Variants in TRIM71 observed in about 807,000 individuals in gnomAD.
TRIM71 encodes the protein E3 ubiquitin-protein ligase TRIM71.
In TRIM71, 9 loss-of-function variants were observed where a neutral mutation model predicts 61.2. The observed-to-expected ratio is 0.15, with a 90% CI of 0.09 to 0.26. The LOEUF (loss-of-function observed/expected upper bound fraction) is 0.26, where lower values mean the gene tolerates loss of function less well. TRIM71 is among the 10% of genes least tolerant of loss of function. The pLI, the probability that TRIM71 is intolerant of heterozygous loss-of-function variation, is 1.00. For missense variants in TRIM71, 998 were observed against 1,238.7 expected (o/e 0.81, Z 2.92); for synonymous variants, 645 against 553.2 (o/e 1.17, Z -2.33).
At position 32,880,917 on chromosome 3, in the gene TRIM71, G is replaced by A. The variant is rs9853425; in HGVS notation, c.1021-5017G>A. 8.5e-5 allele frequency among the ~76,000 whole-genome samples: 13 copies of A among 152,240 alleles called. 1 individual carries two copies. The South Asian group carries it at 2.7e-3, about 32-fold the overall frequency. On this transcript the variant is annotated intron_variant, in intron 2 of 3. Coordinates refer to ENST00000383763, the MANE Select transcript of TRIM71 (RefSeq NM_001039111.3). ...TTTAAGATGCCATTAATTGTAAGGT[G>A]TACATTTATTTTACATACAACTAAC...
intron 2 of TRIM71, among the ~76,000 whole-genome samples, chr3:32,874,324 TTACTACTACTACTACTACTACTAC>T (rs34214588): frequency 8.2e-6 from 1 of 121,488 alleles, no homozygotes; most frequent in African/African-American, 3.9e-5. Context: ...TTAATGCTTA[TTACTACTACTACTACTACTACTAC>T]TACTACTACT....
intron 1 of TRIM71, among the ~76,000 whole-genome samples, chr3:32,820,767 G>A (rs1265997281): frequency 6.6e-6 from 1 of 152,182 alleles, no homozygotes; most frequent in African/African-American, 2.4e-5. Flanking sequence ...ACTGCATTGG[G>A]GAGTGTGAAT....
chr3:32,823,148 A>G (rs1278151043), intron 1 of TRIM71, among the ~76,000 whole-genome samples: 1 of 152,244 alleles, frequency 6.6e-6, no homozygotes, highest in Non-Finnish European at 1.5e-5. Context: ...TTCAGCAGGT[A>G]GACATTAGGA....
chr3:32,849,723 C>T (rs1696516983), intron 1 of TRIM71, among the ~76,000 whole-genome samples: 1 of 152,220 alleles, frequency 6.6e-6, no homozygotes, highest in South Asian at 2.1e-4. Flanking sequence ...AAGCCTCCTT[C>T]CCCTTCCACT....
chr3:32,888,795 C>T (rs1356521540), intron 3 of TRIM71, among the ~76,000 whole-genome samples: 1 of 152,174 alleles, frequency 6.6e-6, no homozygotes, highest in Non-Finnish European at 1.5e-5. Context: ...CCATCTTGGC[C>T]TCCCAAAGCA....
chr3:32,828,779 G>A (rs1013407702), intron 1 of TRIM71, among the ~76,000 whole-genome samples: 1 of 151,974 alleles, frequency 6.6e-6, no homozygotes, highest in Non-Finnish European at 1.5e-5. Flanking sequence ...GATTACAGGC[G>A]TGAGCCACCT....
chr3:32,895,548 A>G lies in TRIM71; in HGVS notation c.*3737A>G, dbSNP rs1272905098. 6.6e-6 allele frequency: 1 copy of G among 152,234 alleles called. No individual in the cohort carries two copies. The highest frequency in any genetic ancestry group is 1.5e-5 in the Non-Finnish European group (1 of 68,048). 9.4% of individuals were successfully genotyped at this position (152,234 alleles called of 1,614,324 possible). A position where few individuals can be genotyped will look rare whatever the true frequency, so the allele number is the denominator to read the frequency against. On this transcript the variant is annotated 3_prime_UTR_variant, in exon 4 of 4. Coordinates refer to ENST00000383763, the MANE Select transcript of TRIM71 (RefSeq NM_001039111.3). The stretch of plus-strand genomic sequence containing the variant: ...TCTGTTCTGGTAGGTGGTGAAAGAT[A>G]TGCCAAAGTTTTAGGCTTGTTTTTC...
At chr3:32,841,603 T>A (rs796246037) in intron 1 of TRIM71, among the ~76,000 whole-genome samples, 361 of 152,060 alleles carry the variant, frequency 2.4e-3, no homozygotes, top group African/African-American at 8.4e-3. Context: ...GGGCCACGAG[T>A]GAGGCCCACC....
At position 32,891,184 on chromosome 3, in the gene TRIM71, C is replaced by T. The variant is rs770430798; in HGVS notation, c.1980C>T (p.Ala660=). Reference sequence around the variant, plus strand: ...AGTTCGACCGACCAGCCGGCGTGGCCTGTGACGCCTCACGCAGGATCGTGG... The same window carrying T: ...AGTTCGACCGACCAGCCGGCGTGGCTTGTGACGCCTCACGCAGGATCGTGG... ...PGQFDRPAGV[A]CDASRRIVVA... Residue 660 remains alanine, a synonymous_variant, in exon 4 of 4, where the codon GCC becomes GCT. Coordinates refer to ENST00000383763, the MANE Select transcript of TRIM71 (RefSeq NM_001039111.3). This position sits in a 1 kb window ranked among gnomAD's most constrained non-coding sequence, Gnocchi z 8.2. 3 of 1,613,604 alleles carry T rather than the reference C, an allele frequency of 1.9e-6. No individual in the cohort carries two copies. The African/African-American group carries it at 4.0e-5, about 22-fold the overall frequency.
At chr3:32,888,843 A>C (rs1431985430) in intron 3 of TRIM71, among the ~76,000 whole-genome samples, 1 of 152,194 alleles carries the variant, frequency 6.6e-6, no homozygotes, top group East Asian at 1.9e-4. Context: ...ATTCTTTAAG[A>C]ATATGAATCT....
chr3:32,848,783 G>A (rs1004628574), intron 1 of TRIM71, among the ~76,000 whole-genome samples: 1 of 152,066 alleles, frequency 6.6e-6, no homozygotes. Flanking sequence ...TGGGGATGGC[G>A]GGAATCACCT....
At chr3:32,837,349 G>C (rs1455908383) in intron 1 of TRIM71, among the ~76,000 whole-genome samples, 5 of 152,142 alleles carry the variant, frequency 3.3e-5, no homozygotes, top group African/African-American at 9.7e-5. Context: ...TTCCTTTACT[G>C]TGTGGCCTTT....
Position 32,818,626 on chromosome 3 carries a change from C to T in TRIM71, c.546C>T (p.Gly182=). ...QPPAPSRSAP[G]GPAASPSALL... Reference sequence around the variant, plus strand: ...CCGCGCCTTCCCGCTCGGCACCCGGCGGCCCTGCCGCTTCCCCGTCGGCGC... The same window carrying T: ...CCGCGCCTTCCCGCTCGGCACCCGGTGGCCCTGCCGCTTCCCCGTCGGCGC... Residue 182 remains glycine, a synonymous_variant, in exon 1 of 4, where the codon GGC becomes GGT. Coordinates refer to ENST00000383763, the MANE Select transcript of TRIM71 (RefSeq NM_001039111.3). 1 of 1,437,684 alleles carries T rather than the reference C, an allele frequency of 7.0e-7. No individual in the cohort carries two copies. Among genetic ancestry groups the T allele is most frequent in the Non-Finnish European group, 9.1e-7 (1 of 1,103,894 alleles). The allele number at this position is 1,437,684 out of a possible 1,614,324, so 89.1% of individuals were successfully genotyped here. A position where few individuals can be genotyped will look rare whatever the true frequency, so the allele number is the denominator to read the frequency against.
intron 1 of TRIM71, among the ~76,000 whole-genome samples, chr3:32,857,171 CCT>C (rs1194362981): frequency 6.6e-6 from 1 of 152,186 alleles, no homozygotes; most frequent in Non-Finnish European, 1.5e-5. Flanking sequence ...TCCCCTGTTC[CCT>C]CTGTTTTACT....
intron 1 of TRIM71, among the ~76,000 whole-genome samples, chr3:32,834,611 A>G (rs1696310740): frequency 6.6e-6 from 1 of 152,172 alleles, no homozygotes; most frequent in Non-Finnish European, 1.5e-5. Context: ...TGGGAGGCCG[A>G]GGCGGGTGGA....
chr3:32,890,334 T>G lies in TRIM71; in HGVS notation c.1156-26T>G. 6.3e-7 allele frequency: 1 copy of G among 1,597,016 alleles called. No individual in the cohort carries two copies. The highest frequency in any genetic ancestry group is 2.2e-5 in the East Asian group (1 of 44,514). On this transcript the variant is annotated intron_variant, in intron 3 of 3. Coordinates refer to ENST00000383763, the MANE Select transcript of TRIM71 (RefSeq NM_001039111.3). The surrounding 1 kb of genome is among the most constrained non-coding windows in gnomAD (Gnocchi z 6.2). ...TGCTTGGCTCTAAGCCTCTGTGTCT[T>G]TCTCCACTCTTGCTTTTCCCTCCAG...
chr3:32,821,117 CT>C (rs1696122161), intron 1 of TRIM71, among the ~76,000 whole-genome samples: 1 of 152,090 alleles, frequency 6.6e-6, no homozygotes, highest in South Asian at 2.1e-4. Context: ...AATTCCTTTT[CT>C]TTTGATCTCG....
chr3:32,841,774 C>T (rs1425612061), intron 1 of TRIM71, among the ~76,000 whole-genome samples: 1 of 152,166 alleles, frequency 6.6e-6, no homozygotes, highest in Admixed American at 6.5e-5. Context: ...CTTCACCTAA[C>T]TTGGACCCCC....
intron 3 of TRIM71, among the ~76,000 whole-genome samples, chr3:32,889,277 AT>A (rs1696996182): frequency 6.6e-6 from 1 of 151,618 alleles, no homozygotes; most frequent in South Asian, 2.1e-4. Flanking sequence ...GGATCTTGCT[AT>A]TTTTTTAAGG....
Sources: gnomAD v4.1 joint callset for allele counts (sites outside exome capture counted in the v4.1 genomes callset) on GRCh38, gnomAD v4.1.1 for gene constraint, Gnocchi (gnomAD v3.1) non-coding constraint, MANE v1.5 for transcripts, NCBI Gene and HGNC (gene_info 2026-07-23, HGNC 2026-07-21) for gene names.